ANKRD44: variants seen among roughly 807,000 people sequenced by gnomAD.
ANKRD44 encodes serine/threonine-protein phosphatase 6 regulatory ankyrin repeat subunit B.
Under a neutral mutation model 116.0 loss-of-function variants are expected in ANKRD44, and 35 were observed. The ratio of observed to expected loss-of-function variants is 0.30; its 90% CI spans 0.23 to 0.40. The LOEUF (loss-of-function observed/expected upper bound fraction) is 0.40, where lower values mean the gene tolerates loss of function less well. Ranked by LOEUF, ANKRD44 falls within the 10% of genes least tolerant of loss-of-function variation. The pLI, the probability that ANKRD44 is intolerant of heterozygous loss-of-function variation, is 1.00. For synonymous variants in ANKRD44, 435 were observed against 461.8 expected (o/e 0.94, Z 0.74); for missense variants, 1,014 against 1,242.6 (o/e 0.82, Z 2.77).
At chr2:197,026,157 A>G (rs2076591382) in intron 16 of ANKRD44, among the ~76,000 whole-genome samples, 1 of 152,230 alleles carries the variant, frequency 6.6e-6, no homozygotes, top group South Asian at 2.1e-4. Flanking sequence ...AAGGAAATGC[A>G]TTCATACAAT....
At chr2:197,025,154 T>A in intron 17 of ANKRD44, 42 bp downstream of exon 17, 2 of 1,573,294 alleles carry the variant, frequency 1.3e-6, no homozygotes, top group Non-Finnish European at 1.7e-6. Flanking sequence ...ATGCTTAGGT[T>A]GTTTTTGTAA....
chr2:197,097,935 C>T (rs543667787), intron 10 of ANKRD44, among the ~76,000 whole-genome samples: 51 of 152,330 alleles, frequency 3.3e-4, no homozygotes, highest in African/African-American at 1.2e-3. Context: ...ACCCACCAAA[C>T]ATCCAATGAC....
At chr2:197,034,951 G>T (rs1284381190) in intron 16 of ANKRD44, among the ~76,000 whole-genome samples, 2 of 152,140 alleles carry the variant, frequency 1.3e-5, no homozygotes, top group African/African-American at 2.4e-5. Context: ...TTTGGTCCAA[G>T]AATATTATTG....
chr2:197,044,428 G>T (rs534839464), intron 16 of ANKRD44, among the ~76,000 whole-genome samples: 18 of 152,192 alleles, frequency 1.2e-4, no homozygotes, highest in African/African-American at 4.3e-4. Flanking sequence ...GTACAGCGGC[G>T]CGATCTCGGC....
intron 1 of ANKRD44, among the ~76,000 whole-genome samples, chr2:197,207,145 A>C (rs1156456032): frequency 6.6e-6 from 1 of 152,226 alleles, no homozygotes; most frequent in Non-Finnish European, 1.5e-5. Flanking sequence ...GGTGCTGAAG[A>C]AGCAAGTTTG....
intron 2 of ANKRD44, among the ~76,000 whole-genome samples, chr2:197,181,258 T>G (rs534094188): frequency 1.3e-5 from 2 of 152,318 alleles, no homozygotes; most frequent in South Asian, 4.1e-4. Context: ...ATTAAAATGA[T>G]CAACTTGGGG....
At chr2:197,139,290 G>A (rs1399567374) in intron 3 of ANKRD44, among the ~76,000 whole-genome samples, 1 of 152,140 alleles carries the variant, frequency 6.6e-6, no homozygotes, top group Non-Finnish European at 1.5e-5. Flanking sequence ...AATGGATAAC[G>A]ACGTTGTGGT....
chr2:197,220,763 A>T (rs1458806612), intron 1 of ANKRD44, among the ~76,000 whole-genome samples: 1 of 152,208 alleles, frequency 6.6e-6, no homozygotes, highest in East Asian at 1.9e-4. Context: ...AAAACCTCTG[A>T]GACATTTAAC....
In ANKRD44 at chr2:197,034,050, TAGAGAGAGAG is replaced by T. The variant is rs60018972; in HGVS notation, c.1651-8793_1651-8784del. Among the ~76,000 whole-genome samples, 679 of 110,660 alleles carry T rather than the reference TAGAGAGAGAG, an allele frequency of 6.1e-3. 8 individuals carry two copies. Among genetic ancestry groups the T allele is most frequent in the African/African-American group, 0.023 (654 of 29,018 alleles). The allele number at this position is 110,660 out of a possible 152,430, so 72.6% of individuals were successfully genotyped here. A position where few individuals can be genotyped will look rare whatever the true frequency, so the allele number is the denominator to read the frequency against. On this transcript the variant is annotated intron_variant, in intron 16 of 27. Transcript: ENST00000282272. Reference sequence around the variant, plus strand: ...TGTCTCAGGGGAGGCATATGAGGGCTAGAGAGAGAGAGAGAGAGAGAGAGAGAGAGAGAGA... The same window carrying T: ...TGTCTCAGGGGAGGCATATGAGGGCTAGAGAGAGAGAGAGAGAGAGAGAGA...
At chr2:197,290,009 C>T (rs746467221) in intron 1 of ANKRD44, among the ~76,000 whole-genome samples, 10 of 151,934 alleles carry the variant, frequency 6.6e-5, no homozygotes, top group Middle Eastern at 3.4e-3. Flanking sequence ...TACAGGTGCC[C>T]GCCACCACGC....
At chr2:197,029,562 C>T in intron 16 of ANKRD44, 1 of 474,022 alleles carries the variant, frequency 2.1e-6, no homozygotes, top group Non-Finnish European at 4.2e-6. Context: ...CCCACATGCC[C>T]ACCAAGAGCA....
At chr2:197,048,873 C>T (rs2077053618) in intron 16 of ANKRD44, among the ~76,000 whole-genome samples, 1 of 152,174 alleles carries the variant, frequency 6.6e-6, no homozygotes, top group African/African-American at 2.4e-5. Flanking sequence ...TAATGATTGC[C>T]ATTCTAACTG....
intron 1 of ANKRD44, among the ~76,000 whole-genome samples, chr2:197,191,603 T>C (rs938284534): frequency 6.6e-6 from 1 of 152,164 alleles, no homozygotes; most frequent in Admixed American, 6.5e-5. Context: ...ATAGTTATTC[T>C]CAAACTTTGA....
At chr2:197,186,335 G>T (rs1176478652) in intron 2 of ANKRD44, among the ~76,000 whole-genome samples, 1 of 152,146 alleles carries the variant, frequency 6.6e-6, no homozygotes, top group African/African-American at 2.4e-5. Flanking sequence ...CTGTAATGCT[G>T]TCACCAGCAG....
rs541391684 is a variant in ANKRD44 at position 197,274,794 on chromosome 2, G to GA, written c.27+35783dup. Among the ~76,000 whole-genome samples, 22 of 151,940 alleles carry GA rather than the reference G, an allele frequency of 1.4e-4. No homozygotes were observed. The South Asian group carries it at 2.1e-3, about 14-fold the overall frequency. ...AAGAACAGAGGCCAATTCTGGTTTAGAAAAAAAATCACACTCAGTCTGGCA... is the reference window on the plus strand; with the variant it reads ...AAGAACAGAGGCCAATTCTGGTTTAGAAAAAAAAATCACACTCAGTCTGGCA... On this transcript the variant is annotated intron_variant, in intron 1 of 27. Coordinates refer to ENST00000282272, the MANE Select transcript of ANKRD44 (RefSeq NM_001195144.2).
Position 196,988,026 on chromosome 2 carries a change from A to G in ANKRD44, c.*1565T>C. 1 of 985,410 alleles carries G rather than the reference A, an allele frequency of 1.0e-6. No homozygotes were observed. 61.0% of individuals were successfully genotyped at this position (985,410 alleles called of 1,614,324 possible). Reference sequence around the variant, plus strand: ...TTGATGTAATGAACAGTTCATTGTGAGCATGATTTCATTTCGTTCCTTTGT... The same window carrying G: ...TTGATGTAATGAACAGTTCATTGTGGGCATGATTTCATTTCGTTCCTTTGT... On this transcript the variant is annotated 3_prime_UTR_variant, in exon 28 of 28. Transcript: ENST00000282272.
At chr2:197,262,795 C>G (rs1384245038) in intron 1 of ANKRD44, among the ~76,000 whole-genome samples, 3 of 152,068 alleles carry the variant, frequency 2.0e-5, no homozygotes, top group Non-Finnish European at 4.4e-5. Flanking sequence ...ATTCCAGTTA[C>G]TTGGGAGGCT....
intron 21 of ANKRD44, among the ~76,000 whole-genome samples, chr2:196,978,914 C>T (rs371598975): frequency 3.4e-5 from 5 of 145,420 alleles, no homozygotes; most frequent in African/African-American, 5.1e-5. Context: ...AAAAAAAAGG[C>T]GACAAAAAAG....
At chr2:197,309,720 A>G (rs1436579341) in intron 1 of ANKRD44, among the ~76,000 whole-genome samples, 1 of 152,160 alleles carries the variant, frequency 6.6e-6, no homozygotes, top group Admixed American at 6.5e-5. Flanking sequence ...AAGAGCTGCA[A>G]AGAGTTTTGT....
Sources: gnomAD v4.1 joint callset for allele counts (sites outside exome capture counted in the v4.1 genomes callset) on GRCh38, gnomAD v4.1.1 for gene constraint, MANE v1.5 for transcripts, NCBI Gene and HGNC (gene_info 2026-07-23, HGNC 2026-07-21) for gene names.